The following PCDHGA2 variants were observed in gnomAD, a reference collection of about 807,000 sequenced individuals.
The protein encoded by PCDHGA2 is protocadherin gamma-A2.
Under a neutral mutation model 59.2 loss-of-function variants are expected in PCDHGA2, and 40 were observed. The observed-to-expected ratio is 0.68, with a 90% CI of 0.52 to 0.88. The LOEUF (loss-of-function observed/expected upper bound fraction) is 0.88, where lower values mean the gene tolerates loss of function less well. Ranked by LOEUF, PCDHGA2 falls within the 40% of genes least tolerant of loss-of-function variation. The pLI, the probability that PCDHGA2 is intolerant of heterozygous loss-of-function variation, is 0.00. For missense variants in PCDHGA2, 1,226 were observed against 1,204.0 expected (o/e 1.02, Z -0.27); for synonymous variants, 560 against 526.0 (o/e 1.06, Z -0.89).
chr5:141,442,561 G>C (rs2098332268), intron 1 of PCDHGA2: 1 of 152,198 alleles, frequency 6.6e-6, no homozygotes, highest in African/African-American at 2.4e-5. Context: ...ACTAAGTTCA[G>C]TCACAAGCAG....
At chr5:141,394,259 G>T (rs1367261725) in intron 1 of PCDHGA2, 3 of 1,613,936 alleles carry the variant, frequency 1.9e-6, no homozygotes, top group African/African-American at 2.7e-5. Context: ...CCGACAGCCA[G>T]GAGAATGCCC....
chr5:141,401,158 A>AT (rs1314149261), intron 1 of PCDHGA2, among the ~76,000 whole-genome samples: 1 of 152,194 alleles, frequency 6.6e-6, no homozygotes, highest in Non-Finnish European at 1.5e-5. Context: ...CCTGGGCAAT[A>AT]TGGTGAAAAC....
At chr5:141,357,932 G>A (rs1588531213) in intron 1 of PCDHGA2, among the ~76,000 whole-genome samples, 1 of 152,166 alleles carries the variant, frequency 6.6e-6, no homozygotes, top group East Asian at 1.9e-4. Context: ...GCTCACACCT[G>A]TAATCCTAAC....
chr5:141,460,296 C>T (rs1443273958), intron 1 of PCDHGA2, among the ~76,000 whole-genome samples: 1 of 151,924 alleles, frequency 6.6e-6, no homozygotes, highest in Non-Finnish European at 1.5e-5. Context: ...TTCTTATGTC[C>T]TATTCAAAAA....
intron 1 of PCDHGA2, chr5:141,360,011 A>G: frequency 8.1e-7 from 1 of 1,240,974 alleles, no homozygotes; most frequent in Non-Finnish European, 1.1e-6. Context: ...AACCAACCAC[A>G]CAGAGAAGGC....
chr5:141,449,943 C>G (rs1561937416), intron 1 of PCDHGA2, among the ~76,000 whole-genome samples: 1 of 151,186 alleles, frequency 6.6e-6, no homozygotes, highest in African/African-American at 2.4e-5. Flanking sequence ...GTATATTTTA[C>G]TATACCTCAT....
At chr5:141,442,033 G>T (rs2098292928) in intron 1 of PCDHGA2, 1 of 209,534 alleles carries the variant, frequency 4.8e-6, no homozygotes, top group Non-Finnish European at 9.8e-6. Context: ...AAAGCGACTC[G>T]CCAGCGCCTA....
At chr5:141,423,384 C>G (rs1196881147) in intron 1 of PCDHGA2, 1 of 1,614,054 alleles carries the variant, frequency 6.2e-7, no homozygotes, top group Non-Finnish European at 8.5e-7. Context: ...GGCTGTGGCG[C>G]TGGCATAAGT....
rs1168799961 is a variant in PCDHGA2, at chr5:141,487,844, A to G, written c.2425-6963A>G. ...CGGGTCATGCCTATATCTGAGTAAG[A>G]AATGAAAGTAATTGGTGATCAAGAG... On this transcript the variant is annotated intron_variant, in intron 1 of 3. Coordinates refer to ENST00000394576, the MANE Select transcript of PCDHGA2 (RefSeq NM_018915.4). The surrounding 1 kb of genome is among the most constrained non-coding windows in gnomAD (Gnocchi z 5.0). 2 of 1,043,076 alleles carry G rather than the reference A, an allele frequency of 1.9e-6. No homozygotes were observed. Among genetic ancestry groups the G allele is most frequent in the Non-Finnish European group, 2.7e-6 (2 of 730,916 alleles). The allele number at this position is 1,043,076 out of a possible 1,614,324, so 64.6% of individuals were successfully genotyped here.
At chr5:141,348,664 A>G (rs1348993454) in intron 1 of PCDHGA2, among the ~76,000 whole-genome samples, 1 of 152,194 alleles carries the variant, frequency 6.6e-6, no homozygotes, top group Non-Finnish European at 1.5e-5. Flanking sequence ...CATTTTCACT[A>G]AAAAGGATTT....
At chr5:141,427,776 G>T (rs3828681) in intron 1 of PCDHGA2, 8 of 1,424,704 alleles carry the variant, frequency 5.6e-6, no homozygotes, top group Non-Finnish European at 9.8e-7. Context: ...GGAGCTGCGG[G>T]CACTGTCGTC....
chr5:141,487,377 C>T lies in PCDHGA2; in HGVS notation c.2425-7430C>T, dbSNP rs758216933. Reference sequence around the variant, plus strand: ...CCTGCTGGCACCTGTGCCTGTCTCACCAGATCTCGAAGGAGGGAGGGGCTT... The same window carrying T: ...CCTGCTGGCACCTGTGCCTGTCTCATCAGATCTCGAAGGAGGGAGGGGCTT... On this transcript the variant is annotated intron_variant, in intron 1 of 3. Transcript: ENST00000394576. The surrounding 1 kb of genome is among the most constrained non-coding windows in gnomAD (Gnocchi z 5.0). 6.2e-7 allele frequency: 1 copy of T among 1,614,190 alleles called. No homozygotes were observed. Among genetic ancestry groups the T allele is most frequent in the Non-Finnish European group, 8.5e-7 (1 of 1,180,034 alleles).
At position 141,489,494 on chromosome 5, in the gene PCDHGA2, C is replaced by A. The variant is rs1191408769; in HGVS notation, c.2425-5313C>A. ...CTGAGCTTGATGAGTGGTGCCCTGGCAGTGAATCAAAAGATTGACCGAGAA... is the reference window on the plus strand; with the variant it reads ...CTGAGCTTGATGAGTGGTGCCCTGGAAGTGAATCAAAAGATTGACCGAGAA... On this transcript the variant is annotated intron_variant, in intron 1 of 3. Coordinates refer to ENST00000394576, the MANE Select transcript of PCDHGA2 (RefSeq NM_018915.4). This position sits in a 1 kb window ranked among gnomAD's most constrained non-coding sequence, Gnocchi z 4.5. 1.1e-5 allele frequency: 18 copies of A among 1,613,932 alleles called. No individual in the cohort carries two copies. The highest frequency in any genetic ancestry group is 1.7e-5 in the Admixed American group (1 of 59,998).
At chr5:141,388,438 A>C in intron 1 of PCDHGA2, 4 of 1,613,906 alleles carry the variant, frequency 2.5e-6, no homozygotes, top group Non-Finnish European at 3.4e-6. Flanking sequence ...AATAAAGAGA[A>C]ATCAGATGGC....
At position 141,345,350 on chromosome 5, in the gene PCDHGA2, C is replaced by G. The variant is rs201216963; in HGVS notation, c.2424+3955C>G. 2.5e-6 allele frequency: 4 copies of G among 1,613,950 alleles called. No individual in the cohort carries two copies. The African/African-American group carries it at 4.0e-5, about 16-fold the overall frequency. On this transcript the variant is annotated intron_variant, in intron 1 of 3. Transcript: ENST00000394576. ...CACTGTCCACAGAAACTCACATCAC[C>G]CTGCATGTGATTGACATCAATGACA...
chr5:141,503,304 A>G (rs946582779), intron 2 of PCDHGA2, among the ~76,000 whole-genome samples: 1 of 152,150 alleles, frequency 6.6e-6, no homozygotes, highest in African/African-American at 2.4e-5. Flanking sequence ...ATTGCTCAAG[A>G]AAGAATTGTT....
intron 1 of PCDHGA2, chr5:141,395,178 G>A: frequency 6.2e-7 from 1 of 1,614,142 alleles, no homozygotes; most frequent in East Asian, 2.2e-5. Flanking sequence ...TGAGAAAAAT[G>A]ATTCTTTGTT....
intron 1 of PCDHGA2, among the ~76,000 whole-genome samples, chr5:141,346,774 C>T (rs1757801314): frequency 6.6e-6 from 1 of 152,160 alleles, no homozygotes. Flanking sequence ...CTACCTGGGT[C>T]CTTGAGTAAC....
chr5:141,458,165 A>T lies in PCDHGA2; in HGVS notation c.2425-36642A>T, dbSNP rs10075475. On this transcript the variant is annotated intron_variant, in intron 1 of 3. Coordinates refer to ENST00000394576, the MANE Select transcript of PCDHGA2 (RefSeq NM_018915.4). Reference sequence around the variant, plus strand: ...TGAACATGCTCCAAATTTTGTTCACAGTAGTATACCTTACTTGATTATTAA... The same window carrying T: ...TGAACATGCTCCAAATTTTGTTCACTGTAGTATACCTTACTTGATTATTAA... Among the ~76,000 whole-genome samples the T allele has an allele frequency of 2.4e-3, 368 of 152,356 alleles. 2 individuals carry two copies. The highest frequency in any genetic ancestry group is 8.5e-3 in the African/African-American group (354 of 41,588).
Sources: gnomAD v4.1 joint callset for allele counts (sites outside exome capture counted in the v4.1 genomes callset) on GRCh38, gnomAD v4.1.1 for gene constraint, Gnocchi (gnomAD v3.1) non-coding constraint, MANE v1.5 for transcripts, NCBI Gene and HGNC (gene_info 2026-07-23, HGNC 2026-07-21) for gene names.